NDUFS7: variants seen among roughly 807,000 people sequenced by gnomAD.
The protein encoded by NDUFS7 is NADH dehydrogenase [ubiquinone] iron-sulfur protein 7, mitochondrial.
NDUFS7 carries 11 observed loss-of-function variants against 31.1 expected under a neutral mutation model. The ratio of observed to expected loss-of-function variants is 0.35; its 90% CI spans 0.22 to 0.59. NDUFS7 has a LOEUF of 0.59. NDUFS7 is among the 20% of genes least tolerant of loss of function. The probability of loss-of-function intolerance (pLI) is 0.79; values close to 1 mark genes in which losing one functional copy is unlikely to be tolerated. For missense variants in NDUFS7, 263 were observed against 324.2 expected (o/e 0.81, Z 1.45); for synonymous variants, 136 against 127.9 (o/e 1.06, Z -0.43).
chr19:1,393,022 T>A lies in NDUFS7; in HGVS notation c.456-220T>A. 1.7e-6 allele frequency: 1 copy of A among 599,842 alleles called. No homozygotes were observed. Among genetic ancestry groups the A allele is most frequent in the East Asian group, 2.8e-5 (1 of 36,034 alleles). 37.2% of individuals were successfully genotyped at this position (599,842 alleles called of 1,614,324 possible). A position where few individuals can be genotyped will look rare whatever the true frequency, so the allele number is the denominator to read the frequency against. On this transcript the variant is annotated intron_variant, in intron 6 of 7. Coordinates refer to ENST00000233627, the MANE Select transcript of NDUFS7 (RefSeq NM_024407.5). This position sits in a 1 kb window ranked among gnomAD's most constrained non-coding sequence, Gnocchi z 7.3. ...GGAGCCCCCTCGGGAGGGGAGCACTTTTCCCCGAGTTATCAGCCACGTGTG... is the reference window on the plus strand; with the variant it reads ...GGAGCCCCCTCGGGAGGGGAGCACTATTCCCCGAGTTATCAGCCACGTGTG...
intron 1 of NDUFS7, chr19:1,386,394 C>T (rs77942091): frequency 0.028 from 4,282 of 152,434 alleles, 103 homozygotes; most frequent in South Asian, 0.059. Flanking sequence ...CTCCCTGCGT[C>T]TTTCCTCTGT....
At position 1,388,891 on chromosome 19, in the gene NDUFS7, G is replaced by A. The variant is rs1285229961; in HGVS notation, c.181G>A (p.Glu61Lys). 1 of 1,609,800 alleles carries A rather than the reference G, an allele frequency of 6.2e-7. No homozygotes were observed. The highest frequency in any genetic ancestry group is 1.3e-5 in the African/African-American group (1 of 75,012). The change falls in exon 4 of 8, where the codon GAG (glutamate) becomes AAG (lysine). Residue 61 changes from glutamate (E) to lysine (K), a missense_variant. Glu to Lys is a moderately conservative substitution (Grantham distance 56). Transcript: ENST00000233627. ...GGCTCCCAAACCCAGCAGCCGGGGCGAGTATGTGGTGGCCAAGCTGGATGA... is the reference window on the plus strand; with the variant it reads ...GGCTCCCAAACCCAGCAGCCGGGGCAAGTATGTGGTGGCCAAGCTGGATGA... The part of the protein sequence containing the change: ...AVAPKPSSRG[E>K]YVVAKLDDLV...
In NDUFS7 at chr19:1,391,211, G is replaced by A. The variant is rs760867266; in HGVS notation, c.455+46G>A. On this transcript the variant is annotated intron_variant, in intron 6 of 7. Coordinates refer to ENST00000233627, the MANE Select transcript of NDUFS7 (RefSeq NM_024407.5). The stretch of plus-strand genomic sequence containing the variant: ...CTCCAGGGACAGACGTAGCGTGAGT[G>A]CTGGCCTGGCCGTGCCCTGATGGCG... 6 of 1,597,732 alleles carry A rather than the reference G, an allele frequency of 3.8e-6. No homozygotes were observed. The Admixed American group carries it at 1.0e-4, about 27-fold the overall frequency.
Position 1,388,116 on chromosome 19 carries a change from G to A in NDUFS7, c.53+269G>A, listed in dbSNP as rs2082522089. The A allele has an allele frequency of 1.7e-5, 10 of 602,752 alleles. No individual in the cohort carries two copies. In the South Asian group the frequency reaches 1.7e-4, roughly 11 times the overall value. The allele number at this position is 602,752 out of a possible 1,614,324, so 37.3% of individuals were successfully genotyped here. On this transcript the variant is annotated intron_variant, in intron 2 of 7. Transcript: ENST00000233627. ...TCAGAGCTCACCGCCACCTGGGGTG[G>A]GAAGGCATTCTCTGAGCCCTGTGCA...
chr19:1,394,475 T>C, intron 7 of NDUFS7: 2 of 1,233,262 alleles, frequency 1.6e-6, no homozygotes, highest in Non-Finnish European at 2.1e-6. Flanking sequence ...CTGTGCTCCC[T>C]GTCTGGGGAC....
At chr19:1,387,141 C>T (rs2082512488) in intron 1 of NDUFS7, 1 of 151,656 alleles carries the variant, frequency 6.6e-6, no homozygotes, top group Non-Finnish European at 1.5e-5. Context: ...AGCGCCCTCC[C>T]CGCTTAGCGG....
rs183906754 is a variant in NDUFS7, at chr19:1,391,734, C to G, written c.455+569C>G. The G allele has an allele frequency of 3.4e-4, 54 of 158,360 alleles. 1 individual carries two copies. The highest frequency in any genetic ancestry group is 2.3e-3 in the Admixed American group (38 of 16,508). The allele number at this position is 158,360 out of a possible 1,614,324, so 9.8% of individuals were successfully genotyped here. A position where few individuals can be genotyped will look rare whatever the true frequency, so the allele number is the denominator to read the frequency against. ...ACTCCCTCAGGTGATCCGCCTGCCT[C>G]GGCCTCCCAAAGTGCTGGGATTATA... On this transcript the variant is annotated intron_variant, in intron 6 of 7. Transcript: ENST00000233627.
chr19:1,383,992 T>C, intron 1 of NDUFS7, 50 bp downstream of exon 1: 1 of 1,538,046 alleles, frequency 6.5e-7, no homozygotes, highest in Non-Finnish European at 8.7e-7. Flanking sequence ...TCTGGGGCCG[T>C]GGGAGCCTCG....
chr19:1,391,567 A>T (rs969590853), intron 6 of NDUFS7, among the ~76,000 whole-genome samples: 2 of 148,186 alleles, frequency 1.3e-5, no homozygotes, highest in African/African-American at 5.0e-5. Flanking sequence ...GCTCACTGCA[A>T]CCTCCGCCTC....
rs202102613 is a variant in NDUFS7 at position 1,390,853 on chromosome 19, C to T, written c.229-18C>T. 34 of 1,604,498 alleles carry T rather than the reference C, an allele frequency of 2.1e-5. No individual in the cohort carries two copies. The highest frequency in any genetic ancestry group is 4.5e-5 in the East Asian group (2 of 44,844). On this transcript the variant is annotated intron_variant, in intron 4 of 7. Transcript: ENST00000233627. ...GGGGCTCCGGGGGTGGCGTCTGACC[C>T]GAGCCCGGCCTCCGCAGAGTTCTCT...
chr19:1,389,538 C>T (rs1036709976), intron 4 of NDUFS7: 9 of 456,860 alleles, frequency 2.0e-5, no homozygotes, highest in South Asian at 6.2e-5. Context: ...CCGTCATTCT[C>T]TTTCTGGCGT....
rs572555119 is a variant in NDUFS7 at position 1,389,880 on chromosome 19, A to G, written c.228+942A>G. 2.5e-4 allele frequency: 56 copies of G among 226,320 alleles called. 1 individual carries two copies. Among genetic ancestry groups the G allele is most frequent in the Middle Eastern group, 3.5e-3 (2 of 578 alleles). The allele number at this position is 226,320 out of a possible 1,614,324, so 14.0% of individuals were successfully genotyped here. On this transcript the variant is annotated intron_variant, in intron 4 of 7. Transcript: ENST00000233627. The stretch of plus-strand genomic sequence containing the variant: ...AGACAAGGATAGTTTTTAATGCAGG[A>G]TAGTTCTTTTCTTTTTCTTTTCTTT...
In NDUFS7 at chr19:1,393,222, T is replaced by G. The variant is rs2082569402; in HGVS notation, c.456-20T>G. On this transcript the variant is annotated intron_variant, in intron 6 of 7. Transcript: ENST00000233627. The surrounding 1 kb of genome is among the most constrained non-coding windows in gnomAD (Gnocchi z 7.3). ...CAGGCGGGTCTTCGGCACACTCCCC[T>G]CACGGTGCCTCCCCAACAGCTGCGC... The G allele has an allele frequency of 6.5e-7, 1 of 1,547,918 alleles. No individual in the cohort carries two copies. Among genetic ancestry groups the G allele is most frequent in the Non-Finnish European group, 8.7e-7 (1 of 1,146,482 alleles).
chr19:1,383,948 C>A lies in NDUFS7; in HGVS notation c.16+6C>A. The A allele has an allele frequency of 1.3e-6, 2 of 1,573,216 alleles. No homozygotes were observed. Among genetic ancestry groups the A allele is most frequent in the Non-Finnish European group, 8.6e-7 (1 of 1,161,068 alleles). ...CAAGATGGCGGTGCTGTCAGGTGAG[C>A]GCGGCACCGGCGGCGGGTGTGGGGC... is the stretch of plus-strand genomic sequence containing the variant. On this transcript the variant is annotated splice_donor_region_variant and intron_variant, in intron 1 of 7. Transcript: ENST00000233627.
Position 1,389,093 on chromosome 19 carries a change from G to T in NDUFS7, c.228+155G>T, listed in dbSNP as rs771776554. 1.4e-5 allele frequency: 10 copies of T among 740,108 alleles called. 1 individual carries two copies. In the South Asian group the frequency reaches 1.5e-4, roughly 11 times the overall value. 45.8% of individuals were successfully genotyped at this position (740,108 alleles called of 1,614,324 possible). A position where few individuals can be genotyped will look rare whatever the true frequency, so the allele number is the denominator to read the frequency against. Reference sequence around the variant, plus strand: ...CATGTGCATGCAAGCTCACATGTATGGACAGATGTGTACACGGACCACACG... The same window carrying T: ...CATGTGCATGCAAGCTCACATGTATTGACAGATGTGTACACGGACCACACG... On this transcript the variant is annotated intron_variant, in intron 4 of 7. Coordinates refer to ENST00000233627, the MANE Select transcript of NDUFS7 (RefSeq NM_024407.5).
At chr19:1,388,132 G>C in intron 2 of NDUFS7, 1 of 597,368 alleles carries the variant, frequency 1.7e-6, no homozygotes, top group Non-Finnish European at 3.0e-6. Context: ...CATTCTCTGA[G>C]CCCTGTGCAG....
At chr19:1,389,199 A>G (rs1434188956) in intron 4 of NDUFS7, 10 of 688,818 alleles carry the variant, frequency 1.5e-5, no homozygotes, top group South Asian at 6.1e-5. Flanking sequence ...GCACATGTGC[A>G]CACACGCTTG....
chr19:1,391,299 C>T (rs929212463), intron 6 of NDUFS7, 134 bp downstream of exon 6: 11 of 1,142,732 alleles, frequency 9.6e-6, no homozygotes, highest in East Asian at 7.7e-5. Context: ...GCCCTTCAGC[C>T]GTCTCGGTGC....
chr19:1,383,932 G>A lies in NDUFS7; in HGVS notation c.6G>A (p.Ala2=), dbSNP rs931199702. M[A]VLSAPGLRGF... is the part of the protein sequence containing the mutation. ...GTCTGAAGGCCGAGGCCAAGATGGC[G>A]GTGCTGTCAGGTGAGCGCGGCACCG... The change falls in exon 1 of 8, where the codon GCG becomes GCA. Residue 2 remains alanine, a synonymous_variant. Coordinates refer to ENST00000233627, the MANE Select transcript of NDUFS7 (RefSeq NM_024407.5). The A allele has an allele frequency of 3.2e-6, 5 of 1,579,256 alleles. No individual in the cohort carries two copies. The African/African-American group carries it at 4.0e-5, about 13-fold the overall frequency.
Sources: allele counts gnomAD v4.1 joint callset (sites outside exome capture counted in the v4.1 genomes callset), GRCh38; gene constraint gnomAD v4.1.1; non-coding constraint Gnocchi (gnomAD v3.1); transcripts MANE v1.5; gene names NCBI Gene and HGNC (gene_info 2026-07-23, HGNC 2026-07-21).